The following WWOX variants were observed in gnomAD, a reference collection of about 807,000 sequenced individuals.
The protein encoded by WWOX is WW domain-containing oxidoreductase.
A neutral mutation model predicts 46.2 loss-of-function variants in WWOX; 69 were observed. The observed-to-expected ratio is 1.49, with a 90% confidence interval of 1.23 to 1.82. WWOX has a LOEUF of 1.82. Among genes scored for constraint, WWOX ranks in the 40% most tolerant of loss-of-function variants. The pLI, the probability that WWOX is intolerant of heterozygous loss-of-function variation, is 0.00. For synonymous variants in WWOX, 359 were observed against 202.6 expected (o/e 1.77, Z -6.56); for missense variants, 919 against 542.6 (o/e 1.69, Z -6.89).
chr16:78,682,498 C>A lies in WWOX; in HGVS notation c.1056+249746C>A, dbSNP rs146984921. 8.7e-3 allele frequency among the ~76,000 whole-genome samples: 1,321 copies of A among 152,132 alleles called. 16 individuals carry two copies. Among genetic ancestry groups the A allele is most frequent in the Middle Eastern group, 0.02 (6 of 294 alleles). On this transcript the variant is annotated intron_variant, in intron 8 of 8. Transcript: ENST00000566780. ...CACAGAAGGCTGAGGCAGGAGGATA[C>A]CACGAGCCCAGGAGTTGGAGGCTGC...
At chr16:78,313,808 C>T (rs950866548) in intron 5 of WWOX, among the ~76,000 whole-genome samples, 2 of 152,200 alleles carry the variant, frequency 1.3e-5, no homozygotes, top group African/African-American at 4.8e-5. Context: ...TTTGGTTTCA[C>T]TAGCCTTTGA....
intron 8 of WWOX, among the ~76,000 whole-genome samples, chr16:78,579,818 A>G (rs980728913): frequency 6.6e-6 from 1 of 152,202 alleles, no homozygotes; most frequent in African/African-American, 2.4e-5. Flanking sequence ...TACCTGGAAC[A>G]TGATGGTGCT....
chr16:78,412,125 G>A lies in WWOX; in HGVS notation c.606-12745G>A, dbSNP rs191455508. Among the ~76,000 whole-genome samples, 194 of 152,204 alleles carry A rather than the reference G, an allele frequency of 1.3e-3. 1 individual carries two copies. Among genetic ancestry groups the A allele is most frequent in the African/African-American group, 4.3e-3 (180 of 41,540 alleles). On this transcript the variant is annotated intron_variant, in intron 6 of 8. Transcript: ENST00000566780. ...TCTGTGGAGAAGTAGGGGATGGCAC[G>A]GTATTTTAGGGGTTCCTAATGAGCC...
At chr16:78,967,804 G>C (rs997445630) in intron 8 of WWOX, among the ~76,000 whole-genome samples, 9 of 152,118 alleles carry the variant, frequency 5.9e-5, no homozygotes, top group African/African-American at 2.2e-4. Flanking sequence ...GGGTGTGTAA[G>C]AGTAGGAGAG....
At chr16:78,593,204 C>G (rs2045392174) in intron 8 of WWOX, among the ~76,000 whole-genome samples, 1 of 110,388 alleles carries the variant, frequency 9.1e-6, no homozygotes, top group Non-Finnish European at 2.4e-5. Flanking sequence ...TCACTTGATC[C>G]TGATTTTTTT....
chr16:78,118,903 G>C (rs1253997637), intron 4 of WWOX: 2 of 152,118 alleles, frequency 1.3e-5, no homozygotes, highest in East Asian at 3.9e-4. Context: ...GGATTAGAAT[G>C]TTGCCTCCTC....
chr16:78,962,789 C>A (rs1017242285), intron 8 of WWOX, among the ~76,000 whole-genome samples: 2 of 152,254 alleles, frequency 1.3e-5, no homozygotes, highest in South Asian at 4.2e-4. Context: ...CTCATCTGTT[C>A]CCCTTTCTAA....
chr16:78,570,990 T>G (rs3853363), intron 8 of WWOX, among the ~76,000 whole-genome samples: 25,853 of 152,164 alleles, frequency 0.17, 2,275 homozygotes, highest in South Asian at 0.2. Context: ...GATTATTCAT[T>G]GCTGAAGAGA....
intron 4 of WWOX, among the ~76,000 whole-genome samples, chr16:78,144,462 T>A: frequency 4.2e-5 from 1 of 23,628 alleles, no homozygotes; most frequent in Non-Finnish European, 7.7e-5. Context: ...TATATATATA[T>A]ACACACATAT....
intron 5 of WWOX, among the ~76,000 whole-genome samples, chr16:78,385,748 T>C (rs1304302318): frequency 6.6e-6 from 1 of 152,206 alleles, no homozygotes; most frequent in Non-Finnish European, 1.5e-5. Context: ...TAATCTTACT[T>C]AAGCATCACA....
At chr16:78,376,880 C>T (rs937861327) in intron 5 of WWOX, among the ~76,000 whole-genome samples, 1 of 152,194 alleles carries the variant, frequency 6.6e-6, no homozygotes, top group Non-Finnish European at 1.5e-5. Flanking sequence ...AGGATCATTC[C>T]GATTTCCCAA....
chr16:78,181,665 T>C (rs1164183174), intron 5 of WWOX, among the ~76,000 whole-genome samples: 2 of 152,208 alleles, frequency 1.3e-5, no homozygotes. Context: ...TAATACCAGA[T>C]AATATTTTTT....
At chr16:78,639,868 G>C (rs1038126454) in intron 8 of WWOX, among the ~76,000 whole-genome samples, 2 of 151,986 alleles carry the variant, frequency 1.3e-5, no homozygotes, top group African/African-American at 4.8e-5. Context: ...GCTAGGCCCA[G>C]ATTGGCTTCT....
chr16:79,066,192 C>A (rs539317858), intron 8 of WWOX, among the ~76,000 whole-genome samples: 2 of 152,316 alleles, frequency 1.3e-5, no homozygotes, highest in African/African-American at 2.4e-5. Flanking sequence ...TCCCCTCCCT[C>A]CACTGTTCCA....
chr16:78,324,174 T>C (rs1317479095), intron 5 of WWOX, among the ~76,000 whole-genome samples: 1 of 152,050 alleles, frequency 6.6e-6, no homozygotes, highest in African/African-American at 2.4e-5. Context: ...CATGCTGCTT[T>C]CCTCAAGGCA....
At chr16:78,868,746 A>G (rs370149668) in intron 8 of WWOX, among the ~76,000 whole-genome samples, 4 of 152,202 alleles carry the variant, frequency 2.6e-5, no homozygotes, top group Admixed American at 2.0e-4. Flanking sequence ...GCTCTGGCTC[A>G]CTATATATGT....
chr16:78,615,864 C>T (rs2046011248), intron 8 of WWOX, among the ~76,000 whole-genome samples: 1 of 151,894 alleles, frequency 6.6e-6, no homozygotes, highest in East Asian at 2.0e-4. Flanking sequence ...CATTCTCCTG[C>T]CTCAGCCTCC....
rs927153281 is a variant in WWOX, at chr16:78,649,524, G to A, written c.1056+216772G>A. 2.6e-5 allele frequency among the ~76,000 whole-genome samples: 4 copies of A among 152,086 alleles called. No homozygotes were observed. The East Asian group carries it at 5.8e-4, about 22-fold the overall frequency. Reference sequence around the variant, plus strand: ...ACTCCTGGCCTCAAGCGATCCTCCTGCCTCGGCCTCCCAAAGTGCTGGGAT... The same window carrying A: ...ACTCCTGGCCTCAAGCGATCCTCCTACCTCGGCCTCCCAAAGTGCTGGGAT... On this transcript the variant is annotated intron_variant, in intron 8 of 8. Transcript: ENST00000566780.
chr16:78,797,630 A>G, intron 8 of WWOX, among the ~76,000 whole-genome samples: 1 of 152,150 alleles, frequency 6.6e-6, no homozygotes, highest in East Asian at 1.9e-4. Context: ...AAATAGGAAG[A>G]TTCGTCCAGT....
Sources: allele counts gnomAD v4.1 joint callset (sites outside exome capture counted in the v4.1 genomes callset), GRCh38; gene constraint gnomAD v4.1.1; transcripts MANE v1.5; gene names NCBI Gene and HGNC (gene_info 2026-07-23, HGNC 2026-07-21).